The following DTNA variants were observed in gnomAD, a reference collection of about 807,000 sequenced individuals.
The protein encoded by DTNA is dystrophin-related protein 3.
DTNA carries 43 observed loss-of-function variants against 100.7 expected under a neutral mutation model. The ratio of observed to expected loss-of-function variants is 0.43; its 90% confidence interval spans 0.33 to 0.55. The LOEUF is 0.55. DTNA is among the 20% of genes least tolerant of loss of function. The pLI is 0.04. For missense variants in DTNA, 798 were observed against 953.9 expected (o/e 0.84, Z 2.15); for synonymous variants, 349 against 347.9 (o/e 1.00, Z -0.04).
intron 11 of DTNA, among the ~76,000 whole-genome samples, chr18:34,830,224 T>C (rs1308314452): frequency 6.6e-6 from 1 of 151,706 alleles, no homozygotes; most frequent in Non-Finnish European, 1.5e-5. Context: ...AACAATGAAA[T>C]AAAACCTAAG....
chr18:34,816,959 T>C (rs568046610), intron 7 of DTNA, among the ~76,000 whole-genome samples: 96 of 152,302 alleles, frequency 6.3e-4, no homozygotes, highest in African/African-American at 2.3e-3. Context: ...ACAATCATAG[T>C]TTTTTTATGT....
rs546385406 is a variant in DTNA, at chr18:34,567,240, A to C, written c.-2+73726A>C. ...AGATGTCTTTATTTTAATTGTTAAC[A>C]ATCAATAAGCTTTTAATCCTTTTCT... On this transcript the variant is annotated intron_variant, in intron 1 of 19. Coordinates refer to the DTNA transcript ENST00000283365. 2.0e-4 allele frequency among the ~76,000 whole-genome samples: 30 copies of C among 152,326 alleles called. No individual in the cohort carries two copies. The South Asian group carries it at 6.2e-3, about 32-fold the overall frequency.
chr18:34,684,077 C>G (rs1413883499), intron 1 of DTNA, among the ~76,000 whole-genome samples: 1 of 151,978 alleles, frequency 6.6e-6, no homozygotes, highest in African/African-American at 2.4e-5. Flanking sequence ...ATCTTAATGT[C>G]ACGTTGGGAG....
chr18:34,500,404 C>G (rs904400110), intron 1 of DTNA, among the ~76,000 whole-genome samples: 2 of 149,014 alleles, frequency 1.3e-5, no homozygotes, highest in Non-Finnish European at 3.0e-5. Context: ...CTGGGAACTC[C>G]TGAACTCACT....
At chr18:34,632,821 T>C (rs2148148632) in intron 1 of DTNA, among the ~76,000 whole-genome samples, 1 of 152,324 alleles carries the variant, frequency 6.6e-6, no homozygotes. Flanking sequence ...AATGAGATTT[T>C]CTTTTTCTGT....
intron 17 of DTNA, chr18:34,867,646 G>A (rs1045236336): frequency 4.0e-5 from 40 of 992,360 alleles, no homozygotes; most frequent in Non-Finnish European, 4.8e-5. Flanking sequence ...CAATCATCCT[G>A]TCGTCATCAG....
intron 1 of DTNA, among the ~76,000 whole-genome samples, chr18:34,675,659 CTAAGG>C (rs2145266029): frequency 6.6e-6 from 1 of 152,168 alleles, no homozygotes; most frequent in South Asian, 2.1e-4. Context: ...CTTGTTTATT[CTAAGG>C]TATGTATAAA....
chr18:34,659,060 A>G (rs1237062707), intron 1 of DTNA, among the ~76,000 whole-genome samples: 2 of 152,034 alleles, frequency 1.3e-5, no homozygotes, highest in Non-Finnish European at 2.9e-5. Flanking sequence ...TAAAACACCT[A>G]CTGCCTTCCT....
At chr18:34,658,137 G>C (rs1461534655) in intron 1 of DTNA, among the ~76,000 whole-genome samples, 1 of 152,124 alleles carries the variant, frequency 6.6e-6, no homozygotes, top group Non-Finnish European at 1.5e-5. Flanking sequence ...TTCAAGCACT[G>C]AAACTAAAAA....
chr18:34,860,820 C>A (rs1261887646), intron 16 of DTNA, among the ~76,000 whole-genome samples: 1 of 152,162 alleles, frequency 6.6e-6, no homozygotes, highest in Non-Finnish European at 1.5e-5. Context: ...TGACGCTTTG[C>A]TGCATACTAA....
chr18:34,537,519 C>CA (rs563196052), intron 1 of DTNA, among the ~76,000 whole-genome samples: 99 of 140,110 alleles, frequency 7.1e-4, no homozygotes, highest in East Asian at 1.2e-3. Flanking sequence ...TTTTAAAAAG[C>CA]AAAAAAAAAA....
chr18:34,696,749 AT>A (rs561830310), intron 1 of DTNA, among the ~76,000 whole-genome samples: 88 of 151,650 alleles, frequency 5.8e-4, no homozygotes, highest in Non-Finnish European at 5.0e-4. Context: ...AAGAAAGATG[AT>A]TTTTTTTTAA....
intron 1 of DTNA, among the ~76,000 whole-genome samples, chr18:34,577,679 A>G (rs755340599): frequency 8.5e-5 from 13 of 152,214 alleles, no homozygotes; most frequent in Non-Finnish European, 1.6e-4. Context: ...GAGTGAGAAC[A>G]TATGATGTTT....
intron 1 of DTNA, among the ~76,000 whole-genome samples, chr18:34,722,193 A>G (rs2085489163): frequency 6.6e-6 from 1 of 152,180 alleles, no homozygotes; most frequent in Non-Finnish European, 1.5e-5. Flanking sequence ...AAGGTTAGGC[A>G]GGAAAGGAAT....
intron 16 of DTNA, among the ~76,000 whole-genome samples, chr18:34,863,030 T>G (rs900411844): frequency 4.6e-5 from 7 of 152,220 alleles, no homozygotes; most frequent in African/African-American, 1.7e-4. Flanking sequence ...CATGCAGTTT[T>G]AGTATGTAAG....
chr18:34,654,306 C>T (rs188183130), intron 1 of DTNA, among the ~76,000 whole-genome samples: 1 of 152,324 alleles, frequency 6.6e-6, no homozygotes, highest in African/African-American at 2.4e-5. Context: ...CCATGCCTTA[C>T]CTTAGTTAAT....
At chr18:34,648,104 T>G (rs1477493060) in intron 1 of DTNA, among the ~76,000 whole-genome samples, 8 of 152,116 alleles carry the variant, frequency 5.3e-5, no homozygotes, top group Admixed American at 3.3e-4. Context: ...AACAGCATAT[T>G]AAAGCATCTG....
intron 1 of DTNA, among the ~76,000 whole-genome samples, chr18:34,694,511 G>A (rs79283980): frequency 0.015 from 2,236 of 152,218 alleles, 56 homozygotes; most frequent in African/African-American, 0.052. Context: ...TTTCAAATTA[G>A]CAAAGCAGAT....
chr18:34,726,187 G>A (rs533143283), intron 1 of DTNA, among the ~76,000 whole-genome samples: 2 of 152,034 alleles, frequency 1.3e-5, no homozygotes, highest in Non-Finnish European at 2.9e-5. Flanking sequence ...CATGGCACAT[G>A]TATACCTATG....
Sources: gnomAD v4.1 joint callset for allele counts (sites outside exome capture counted in the v4.1 genomes callset) on GRCh38, gnomAD v4.1.1 for gene constraint, MANE v1.5 for transcripts, NCBI Gene and HGNC (gene_info 2026-07-23, HGNC 2026-07-21) for gene names.